CATSPERG: variants seen among roughly 807,000 people sequenced by gnomAD.
CATSPERG encodes catsper channel auxiliary subunit gamma.
CATSPERG carries 115 observed loss-of-function variants against 145.0 expected under a neutral mutation model. The ratio of observed to expected loss-of-function variants is 0.79; its 90% CI spans 0.68 to 0.93. The LOEUF (loss-of-function observed/expected upper bound fraction) is 0.93. Among genes scored for constraint, CATSPERG ranks in the 40% least tolerant of loss-of-function variants. The pLI, the probability that CATSPERG is intolerant of heterozygous loss-of-function variation, is 0.00. For synonymous variants in CATSPERG, 588 were observed against 589.0 expected (o/e 1.00, Z 0.02); for missense variants, 1,296 against 1,490.1 (o/e 0.87, Z 2.14).
At chr19:38,365,293 T>C (rs1208155692) in intron 22 of CATSPERG, 176 bp downstream of exon 22, 3 of 622,240 alleles carry the variant, frequency 4.8e-6, no homozygotes, top group African/African-American at 3.7e-5. Context: ...TCTTTTTTCT[T>C]TAAGACGGAG....
intron 6 of CATSPERG, among the ~76,000 whole-genome samples, chr19:38,345,710 T>C (rs1970030917): frequency 6.6e-6 from 1 of 151,314 alleles, no homozygotes; most frequent in Non-Finnish European, 1.5e-5. Context: ...AGATGGGGTT[T>C]CTCCATGTTG....
At chr19:38,361,571 G>A in intron 16 of CATSPERG, 77 bp from the exon 17 acceptor site, 4 of 1,179,482 alleles carry the variant, frequency 3.4e-6, no homozygotes, top group Non-Finnish European at 4.8e-6. Flanking sequence ...TGGGTGGGGT[G>A]GGAAAGAGGC....
intron 14 of CATSPERG, 25 bp downstream of exon 14, chr19:38,359,606 G>A (rs60071299): frequency 0.3 from 450,744 of 1,503,884 alleles, 69,590 homozygotes; most frequent in East Asian, 0.61. Flanking sequence ...CCCTCTCCCC[G>A]TTCCCTCTCT....
intron 7 of CATSPERG, among the ~76,000 whole-genome samples, chr19:38,348,109 T>C (rs1366360833): frequency 6.6e-6 from 1 of 152,184 alleles, no homozygotes; most frequent in Non-Finnish European, 1.5e-5. Flanking sequence ...CTGTCCTGTG[T>C]CAGCTTTCTC....
rs760298504 is a variant in CATSPERG, at chr19:38,358,302, A to C, written c.1340A>C (p.Tyr447Ser). 1 of 1,614,174 alleles carries C rather than the reference A, an allele frequency of 6.2e-7. No individual in the cohort carries two copies. The highest frequency in any genetic ancestry group is 1.1e-5 in the South Asian group (1 of 91,084). ...NTASDDLELLYHIPEFIPEAR... is the reference protein window; with the variant it reads ...NTASDDLELLSHIPEFIPEAR... ...GCTAGTGATGACCTGGAACTTCTCT[A>C]CCACATCCCAGAATTCATCCCTGAA... is the stretch of plus-strand genomic sequence containing the variant. The change falls in exon 12 of 29, where the codon TAC (tyrosine) becomes TCC (serine). Residue 447 changes from tyrosine to serine, a missense_variant. Coordinates refer to ENST00000409235, the MANE Select transcript of CATSPERG (RefSeq NM_021185.5).
intron 19 of CATSPERG, 55 bp from the exon 20 acceptor site, chr19:38,362,639 GGGGGCGGGGACACCATCGGA>G: frequency 6.2e-7 from 1 of 1,607,260 alleles, no homozygotes; most frequent in African/African-American, 1.3e-5. Flanking sequence ...TGGGAGCCTG[GGGGGCGGGGACACCATCGGA>G]GGGGCGGGGC....
intron 1 of CATSPERG, among the ~76,000 whole-genome samples, chr19:38,336,834 C>T (rs950973931): frequency 6.6e-6 from 1 of 151,248 alleles, no homozygotes; most frequent in South Asian, 2.1e-4. Context: ...AAGGAAGAGA[C>T]GTGGAGGCGG....
In CATSPERG at chr19:38,358,517, G is replaced by C. The variant is rs147779129; in HGVS notation, c.1452G>C (p.Pro484=). The change falls in exon 13 of 29, where the codon CCG becomes CCC. Residue 484 remains proline (P), a synonymous_variant. Coordinates refer to ENST00000409235, the MANE Select transcript of CATSPERG (RefSeq NM_021185.5). ...AMAPKGIFCN[P]YNNLIFIWGN... ...CCCCCAAGGGCATCTTCTGTAACCCGTACAACAATCTGATCTTCATCTGGG... is the reference window on the plus strand; with the variant it reads ...CCCCCAAGGGCATCTTCTGTAACCCCTACAACAATCTGATCTTCATCTGGG... The C allele has an allele frequency of 7.4e-5, 119 of 1,614,052 alleles. No homozygotes were observed. Among genetic ancestry groups the C allele is most frequent in the Non-Finnish European group, 9.8e-5 (116 of 1,180,050 alleles).
At chr19:38,344,640 C>T (rs894255424) in intron 6 of CATSPERG, among the ~76,000 whole-genome samples, 3 of 151,860 alleles carry the variant, frequency 2.0e-5, no homozygotes, top group Admixed American at 2.0e-4. Flanking sequence ...ATCTGTCTGA[C>T]TCCTATACAC....
intron 9 of CATSPERG, among the ~76,000 whole-genome samples, chr19:38,355,565 C>T (rs1970228961): frequency 6.6e-6 from 1 of 152,018 alleles, no homozygotes; most frequent in Admixed American, 6.6e-5. Context: ...AGCATGGTGG[C>T]ATGCACCTGT....
At chr19:38,367,408 A>G (rs1385609142) in intron 23 of CATSPERG, 96 bp downstream of exon 23, 3 of 1,541,518 alleles carry the variant, frequency 1.9e-6, no homozygotes, top group African/African-American at 1.4e-5. Context: ...CAGACTACCC[A>G]CCCTTTTTCC....
chr19:38,362,125 C>A, intron 17 of CATSPERG, 85 bp from the exon 18 acceptor site: 1 of 1,429,654 alleles, frequency 7.0e-7, no homozygotes, highest in Non-Finnish European at 9.6e-7. Context: ...GGCTTTGAGG[C>A]TAGGAGGTGG....
At position 38,361,523 on chromosome 19, in the gene CATSPERG, C is replaced by G. The variant is rs575325114; in HGVS notation, c.1881-125C>G. 9 of 760,472 alleles carry G rather than the reference C, an allele frequency of 1.2e-5. No individual in the cohort carries two copies. The South Asian group carries it at 1.4e-4, about 12-fold the overall frequency. 47.1% of individuals were successfully genotyped at this position (760,472 alleles called of 1,614,324 possible). Reference sequence around the variant, plus strand: ...GGCCTCTGGGCAGCAGGGGCTGACGCTGAGGAGGAAGATTCGGGCTGGATT... The same window carrying G: ...GGCCTCTGGGCAGCAGGGGCTGACGGTGAGGAGGAAGATTCGGGCTGGATT... On this transcript the variant is annotated intron_variant, in intron 16 of 28. Transcript: ENST00000409235.
chr19:38,359,717 C>T, intron 14 of CATSPERG, 136 bp downstream of exon 14: 1 of 1,401,082 alleles, frequency 7.1e-7, no homozygotes, highest in East Asian at 2.7e-5. Flanking sequence ...CAGTGAAGCT[C>T]CATTTATAAC....
intron 7 of CATSPERG, among the ~76,000 whole-genome samples, chr19:38,350,047 G>T (rs941155239): frequency 6.6e-5 from 10 of 152,180 alleles, no homozygotes; most frequent in African/African-American, 2.4e-4. Context: ...GGCTCAAGGT[G>T]TTGGCCTCTG....
intron 16 of CATSPERG, 22 bp downstream of exon 16, chr19:38,360,865 A>G (rs1479795407): frequency 1.3e-6 from 2 of 1,579,832 alleles, no homozygotes; most frequent in Non-Finnish European, 1.7e-6. Context: ...CCGGACCATG[A>G]CAGGGGTCTG....
At chr19:38,344,701 CATAT>C (rs1381881258) in intron 6 of CATSPERG, among the ~76,000 whole-genome samples, 1 of 147,888 alleles carries the variant, frequency 6.8e-6, no homozygotes, top group African/African-American at 2.5e-5. Context: ...CCTGTACATA[CATAT>C]ATAGTACATA....
chr19:38,344,617 G>A (rs1969996000), intron 6 of CATSPERG, among the ~76,000 whole-genome samples: 1 of 151,834 alleles, frequency 6.6e-6, no homozygotes, highest in Non-Finnish European at 1.5e-5. Flanking sequence ...AGCATGGAGG[G>A]AGTCTTGAAG....
At position 38,368,154 on chromosome 19, in the gene CATSPERG, G is replaced by A; in HGVS notation, c.3020+17G>A. ...AGGCATCGAGTGAGTGCGTAGCCTGGCCCCTCTTGGCCCCCATCTGTCGGT... is the reference window on the plus strand; with the variant it reads ...AGGCATCGAGTGAGTGCGTAGCCTGACCCCTCTTGGCCCCCATCTGTCGGT... On this transcript the variant is annotated intron_variant, in intron 26 of 28. Coordinates refer to ENST00000409235, the MANE Select transcript of CATSPERG (RefSeq NM_021185.5). 2 of 1,608,714 alleles carry A rather than the reference G, an allele frequency of 1.2e-6. No individual in the cohort carries two copies. Among genetic ancestry groups the A allele is most frequent in the Non-Finnish European group, 1.7e-6 (2 of 1,175,248 alleles).
Sources: allele counts gnomAD v4.1 joint callset (sites outside exome capture counted in the v4.1 genomes callset), GRCh38; gene constraint gnomAD v4.1.1; transcripts MANE v1.5; gene names NCBI Gene and HGNC (gene_info 2026-07-23, HGNC 2026-07-21).